The following THAP9 variants were observed in gnomAD, a reference collection of about 807,000 sequenced individuals.
The protein encoded by THAP9 is DNA transposase THAP9.
Under a neutral mutation model 35.7 loss-of-function variants are expected in THAP9, and 20 were observed. The ratio of observed to expected loss-of-function variants is 0.56; its 90% CI spans 0.39 to 0.81. The LOEUF (loss-of-function observed/expected upper bound fraction) is 0.81, where lower values mean the gene tolerates loss of function less well. Among genes scored for constraint, THAP9 ranks in the 40% least tolerant of loss-of-function variants. THAP9 has a pLI of 0.00. For synonymous variants in THAP9, 335 were observed against 373.7 expected (o/e 0.90, Z 1.19); for missense variants, 870 against 1,047.4 (o/e 0.83, Z 2.34).
At position 82,917,237 on chromosome 4, in the gene THAP9, T is replaced by C. The variant is rs745486010; in HGVS notation, c.1025T>C (p.Val342Ala). ...AGAACACCTCTTGGTTATTTTTTTG[T>C]AAACAGAGCATCTGGATATTTGCAG... ...HWRTPLGYFF[V>A]NRASGYLQAQ... is the part of the protein sequence containing the mutation. The change falls in exon 5 of 5, where the codon GTA (valine) becomes GCA (alanine). Residue 342 changes from valine to alanine, a missense_variant. This residue lies in a region of THAP9 where 440 missense variants were observed against 501.2 expected (regional missense o/e 0.88). Coordinates refer to ENST00000302236, the MANE Select transcript of THAP9 (RefSeq NM_024672.6). The C allele has an allele frequency of 5.0e-6, 8 of 1,614,166 alleles. No homozygotes were observed. Among genetic ancestry groups the C allele is most frequent in the Non-Finnish European group, 5.1e-6 (6 of 1,180,008 alleles).
chr4:82,904,683 T>TA, intron 1 of THAP9, 53 bp from the exon 2 acceptor site: 1 of 1,519,692 alleles, frequency 6.6e-7, no homozygotes, highest in South Asian at 1.1e-5. Context: ...AATACTACTG[T>TA]AATAGTACTA....
intron 1 of THAP9, 80 bp from the exon 2 acceptor site, chr4:82,904,652 AATAG>A: frequency 8.1e-7 from 1 of 1,233,674 alleles, no homozygotes; most frequent in Admixed American, 2.1e-5. Context: ...GCAGTAAAAT[AATAG>A]ATGGGTTTAT....
Position 82,917,317 on chromosome 4 carries a change from C to T in THAP9, c.1105C>T (p.Leu369=), listed in dbSNP as rs1469001779. Residue 369 remains leucine, a synonymous_variant, in exon 5 of 5, where the codon CTG becomes TTG. Transcript: ENST00000302236. ...GKLSDIGITV[L]AVTSDATAHS... is the part of the protein sequence containing the mutation. ...ACTGAGTGACATAGGAATCACAGTT[C>T]TGGCTGTTACATCTGATGCCACAGC... 6.2e-7 allele frequency: 1 copy of T among 1,613,836 alleles called. No individual in the cohort carries two copies. Among genetic ancestry groups the T allele is most frequent in the Non-Finnish European group, 8.5e-7 (1 of 1,179,810 alleles).
At chr4:82,911,376 G>T (rs1162523558) in intron 4 of THAP9, among the ~76,000 whole-genome samples, 1 of 151,936 alleles carries the variant, frequency 6.6e-6, no homozygotes, top group Non-Finnish European at 1.5e-5. Flanking sequence ...CGGACCACGA[G>T]GTCAGGAGAT....
At chr4:82,909,860 T>G (rs1720802556) in intron 4 of THAP9, 3 of 152,150 alleles carry the variant, frequency 2.0e-5, no homozygotes, top group Admixed American at 2.0e-4. Context: ...TTGTACATAT[T>G]CTGGGGGTAC....
chr4:82,914,012 C>T lies in THAP9; in HGVS notation c.732-2932C>T, dbSNP rs527765957. Among the ~76,000 whole-genome samples, 4 of 152,302 alleles carry T rather than the reference C, an allele frequency of 2.6e-5. No homozygotes were observed. The South Asian group carries it at 6.2e-4, about 24-fold the overall frequency. ...TCGGCCTCCCAAAGTGCTGGGATTA[C>T]AGGCATCAGCCACCGTGCCCAGCCA... On this transcript the variant is annotated intron_variant, in intron 4 of 4. Coordinates refer to ENST00000302236, the MANE Select transcript of THAP9 (RefSeq NM_024672.6).
At chr4:82,909,508 T>TACTTTATTATGTATGCCTTTTATC (rs1720788363) in intron 4 of THAP9, among the ~76,000 whole-genome samples, 1 of 152,136 alleles carries the variant, frequency 6.6e-6, no homozygotes, top group African/African-American at 2.4e-5. Context: ...AGCCTTTTAT[T>TACTTTATTATGTATGCCTTTTATC]ACTTTATTAT....
At position 82,918,763 on chromosome 4, in the gene THAP9, GT is replaced by G. The variant is rs752466495; in HGVS notation, c.2553del (p.Ala852HisfsTer5). Reference sequence around the variant, plus strand: ...TTTCTTAAATATCAGAGCTAAAAATGTTGCACAGAATCCTTTAAAACATCAT... The same window carrying G: ...TTTCTTAAATATCAGAGCTAAAAATGTGCACAGAATCCTTTAAAACATCAT... ...ICFLNIRAKN[V>X]AQNPLKHHSE... On this transcript the variant is annotated frameshift_variant, in exon 5 of 5. Transcript: ENST00000302236. LOFTEE classifies it low-confidence loss of function (END_TRUNC). 63 of 1,613,718 alleles carry G rather than the reference GT, an allele frequency of 3.9e-5. No homozygotes were observed. Among genetic ancestry groups the G allele is most frequent in the Non-Finnish European group, 4.6e-5 (54 of 1,179,920 alleles).
In THAP9 at chr4:82,919,011, A is replaced by G. The variant is rs1018832978; in HGVS notation, c.*87A>G. 7 of 1,135,646 alleles carry G rather than the reference A, an allele frequency of 6.2e-6. No individual in the cohort carries two copies. In the African/African-American group the frequency reaches 1.1e-4, roughly 18 times the overall value. 70.3% of individuals were successfully genotyped at this position (1,135,646 alleles called of 1,614,324 possible). On this transcript the variant is annotated 3_prime_UTR_variant, in exon 5 of 5. Transcript: ENST00000302236. The stretch of plus-strand genomic sequence containing the variant: ...ATTTACCATATTTTATAAATTGCGC[A>G]TTCTGCACAGTGGACAAGTTTGCAA...
chr4:82,901,592 A>G (rs1193201481), intron 1 of THAP9, among the ~76,000 whole-genome samples: 2 of 152,220 alleles, frequency 1.3e-5, no homozygotes, highest in Non-Finnish European at 2.9e-5. Context: ...GAAAATGTAA[A>G]GGATAGAAAG....
chr4:82,908,447 A>G (rs1177421445), intron 4 of THAP9, among the ~76,000 whole-genome samples: 1 of 152,254 alleles, frequency 6.6e-6, no homozygotes, highest in East Asian at 1.9e-4. Flanking sequence ...AGATTTTGAT[A>G]AATAATTTTT....
chr4:82,915,128 A>G, intron 4 of THAP9, among the ~76,000 whole-genome samples: 1 of 152,066 alleles, frequency 6.6e-6, no homozygotes, highest in South Asian at 2.1e-4. Flanking sequence ...GTGTGGCCTT[A>G]TTTCCGGTTT....
At chr4:82,910,175 C>T (rs1341329877) in intron 4 of THAP9, 1 of 152,038 alleles carries the variant, frequency 6.6e-6, no homozygotes, top group Non-Finnish European at 1.5e-5. Flanking sequence ...CTCTTCATGT[C>T]ATTTTGCATT....
At chr4:82,910,587 T>TC (rs1235044198) in intron 4 of THAP9, 1 of 309,718 alleles carries the variant, frequency 3.2e-6, no homozygotes, top group Non-Finnish European at 5.4e-6. Flanking sequence ...TATATACGTT[T>TC]CCATTTATTT....
intron 1 of THAP9, among the ~76,000 whole-genome samples, chr4:82,903,967 G>T (rs1003195429): frequency 6.6e-6 from 1 of 151,974 alleles, no homozygotes; most frequent in Non-Finnish European, 1.5e-5. Context: ...GTAGTCTGTG[G>T]TCACTTACTG....
rs145405201 is a variant in THAP9, at chr4:82,918,478, A to G, written c.2266A>G (p.Lys756Glu). Residue 756 changes from lysine (K) to glutamate (E), a missense_variant, in exon 5 of 5, where the codon AAA becomes GAA. Physicochemically the swap from Lys to Glu is moderately conservative, Grantham distance 56. This residue lies in a region of THAP9 where 414 missense variants were observed against 500.8 expected (regional missense o/e 0.83). Transcript: ENST00000302236. ...ASKIGSLLFV[K>E]KKNGLHFPSE... The stretch of plus-strand genomic sequence containing the variant: ...TAAAATTGGGTCACTATTATTTGTT[A>G]AAAAGAAGAATGGTTTGCATTTTCC... 2.2e-5 allele frequency: 36 copies of G among 1,614,052 alleles called. No individual in the cohort carries two copies. The African/African-American group carries it at 3.6e-4, about 16-fold the overall frequency.
In THAP9 at chr4:82,917,127, T is replaced by C. The variant is rs1721058644; in HGVS notation, c.915T>C (p.Phe305=). ...ACAGTTTGCAGGGGTTTATGGACTT[T>C]GGTCTTGGAAAACTTGATGCTGATG... The part of the protein sequence containing the change: ...SSHSLQGFMD[F]GLGKLDADET... Residue 305 remains phenylalanine, a synonymous_variant, in exon 5 of 5, where the codon TTT becomes TTC. Coordinates refer to ENST00000302236, the MANE Select transcript of THAP9 (RefSeq NM_024672.6). 3 of 1,613,322 alleles carry C rather than the reference T, an allele frequency of 1.9e-6. No homozygotes were observed. The highest frequency in any genetic ancestry group is 1.7e-6 in the Non-Finnish European group (2 of 1,179,632).
Position 82,905,807 on chromosome 4 carries a change from A to T in THAP9, c.277-517A>T, listed in dbSNP as rs78239081. The T allele has an allele frequency of 1.5e-3, 662 of 453,282 alleles. 1 individual carries two copies. The highest frequency in any genetic ancestry group is 2.5e-3 in the Non-Finnish European group (563 of 225,732). 28.1% of individuals were successfully genotyped at this position (453,282 alleles called of 1,614,324 possible). A position where few individuals can be genotyped will look rare whatever the true frequency, so the allele number is the denominator to read the frequency against. ...GGCATTGTACTAGGAGATTTACATA[A>T]ATTCTTATATTGTATCTTCAAAAGA... On this transcript the variant is annotated intron_variant, in intron 2 of 4. Transcript: ENST00000302236.
chr4:82,901,448 C>A (rs1488053392), intron 1 of THAP9, among the ~76,000 whole-genome samples: 1 of 152,070 alleles, frequency 6.6e-6, no homozygotes. Context: ...ATTCAGTATT[C>A]AGGGTACACT....
Sources: gnomAD v4.1 joint callset for allele counts (sites outside exome capture counted in the v4.1 genomes callset) on GRCh38, gnomAD v4.1.1 for gene constraint, gnomAD v4.1.1 regional missense constraint, MANE v1.5 for transcripts, NCBI Gene and HGNC (gene_info 2026-07-23, HGNC 2026-07-21) for gene names.